The following USP14 variants were observed in gnomAD, a reference collection of about 807,000 sequenced individuals.
The protein encoded by USP14 is ubiquitin specific peptidase 14, also known as ubiquitin carboxyl-terminal hydrolase 14.
Under a neutral mutation model 76.5 loss-of-function variants are expected in USP14, and 38 were observed. The ratio of observed to expected loss-of-function variants is 0.50; its 90% CI spans 0.38 to 0.65. The LOEUF (loss-of-function observed/expected upper bound fraction) is 0.65, where lower values mean the gene tolerates loss of function less well. Ranked by LOEUF, USP14 falls within the 30% of genes least tolerant of loss-of-function variation. The pLI, the probability that USP14 is intolerant of heterozygous loss-of-function variation, is 0.00. For missense variants in USP14, 467 were observed against 586.5 expected (o/e 0.80, Z 2.10); for synonymous variants, 192 against 191.7 (o/e 1.00, Z -0.01).
At chr18:178,501 T>G (rs959924929) in intron 3 of USP14, among the ~76,000 whole-genome samples, 2 of 152,246 alleles carry the variant, frequency 1.3e-5, no homozygotes, top group African/African-American at 4.8e-5. Context: ...CTGTGTTTGA[T>G]GTACAGTTTG....
In USP14 at chr18:158,715, G is replaced by T; in HGVS notation, c.16+1G>T. 1 of 1,532,992 alleles carries T rather than the reference G, an allele frequency of 6.5e-7. No homozygotes were observed. 95.0% of individuals were successfully genotyped at this position (1,532,992 alleles called of 1,614,324 possible). On this transcript the variant is annotated splice_donor_variant, in intron 1 of 15. Transcript: ENST00000261601. LOFTEE classifies it high-confidence loss of function. ...CGCCCCGCCATGCCGCTCTACTCCG[G>T]TGAGCCCTGTCCTGGCCTCGCGCGC...
chr18:158,856 C>G (rs1361632061), intron 1 of USP14, 142 bp downstream of exon 1: 2 of 1,207,660 alleles, frequency 1.7e-6, no homozygotes, highest in African/African-American at 1.6e-5. Flanking sequence ...CGGAGATGAC[C>G]CAGGCACCGT....
chr18:163,561 A>G, intron 2 of USP14, 108 bp downstream of exon 2: 2 of 1,257,726 alleles, frequency 1.6e-6, no homozygotes, highest in South Asian at 1.6e-5. Flanking sequence ...TGCTTTTTTT[A>G]TATGATGAGA....
At chr18:175,537 G>A (rs1377990833) in intron 3 of USP14, among the ~76,000 whole-genome samples, 1 of 152,090 alleles carries the variant, frequency 6.6e-6, no homozygotes, top group Non-Finnish European at 1.5e-5. Flanking sequence ...ACAGACTTTT[G>A]AGTATTAAAC....
intron 2 of USP14, among the ~76,000 whole-genome samples, chr18:164,903 C>T (rs1909225343): frequency 6.6e-6 from 1 of 152,164 alleles, no homozygotes; most frequent in Non-Finnish European, 1.5e-5. Flanking sequence ...TCCCTGCCAG[C>T]ATCATTGATG....
intron 15 of USP14, among the ~76,000 whole-genome samples, 161 bp downstream of exon 15, chr18:210,654 T>C (rs1022192637): frequency 3.3e-5 from 5 of 152,208 alleles, no homozygotes; most frequent in African/African-American, 1.2e-4. Context: ...TCTTAATACT[T>C]ACTGTATTAG....
rs1314596637 is a variant in USP14 at position 163,415 on chromosome 18, G to A, written c.124G>A (p.Ala42Thr). The part of the protein sequence containing the change: ...QLFALTGVQP[A>T]RQKVMVKGGT... ...GTTTGCGTTGACTGGAGTCCAGCCT[G>A]CCAGACAGAAAGTTATGGTGAAAGG... is the stretch of plus-strand genomic sequence containing the variant. Residue 42 changes from alanine (A) to threonine (T), a missense_variant, in exon 2 of 16, where the codon GCC becomes ACC. Ala to Thr is a moderately conservative substitution (Grantham distance 58). Coordinates refer to ENST00000261601, the MANE Select transcript of USP14 (RefSeq NM_005151.4). 4 of 1,613,540 alleles carry A rather than the reference G, an allele frequency of 2.5e-6. No homozygotes were observed. Among genetic ancestry groups the A allele is most frequent in the Admixed American group, 1.7e-5 (1 of 59,948 alleles).
chr18:185,667 A>G (rs1241450467), intron 5 of USP14, among the ~76,000 whole-genome samples: 2 of 151,912 alleles, frequency 1.3e-5, no homozygotes, highest in Non-Finnish European at 2.9e-5. Flanking sequence ...TTTTGAGGGC[A>G]TGTCTTCATT....
chr18:164,030 A>T (rs1909198094), intron 2 of USP14, among the ~76,000 whole-genome samples: 1 of 152,196 alleles, frequency 6.6e-6, no homozygotes, highest in African/African-American at 2.4e-5. Flanking sequence ...GCTGTAAAGG[A>T]CATGACTTTG....
At chr18:193,354 A>T (rs1284211121) in intron 6 of USP14, among the ~76,000 whole-genome samples, 1 of 152,122 alleles carries the variant, frequency 6.6e-6, no homozygotes, top group Non-Finnish European at 1.5e-5. Flanking sequence ...CTAATTTTGG[A>T]CATTTTAATA....
At chr18:163,485 C>G in intron 2 of USP14, 32 bp downstream of exon 2, 1 of 1,576,856 alleles carries the variant, frequency 6.3e-7, no homozygotes, top group Non-Finnish European at 8.6e-7. Flanking sequence ...CATCACATTA[C>G]TATTATTGTA....
At chr18:176,140 T>C (rs1909620618) in intron 3 of USP14, among the ~76,000 whole-genome samples, 1 of 152,192 alleles carries the variant, frequency 6.6e-6, no homozygotes. Context: ...TTTTGTCAGT[T>C]TCATTGATTG....
intron 10 of USP14, among the ~76,000 whole-genome samples, chr18:199,656 C>T (rs1389836716): frequency 6.6e-6 from 1 of 152,152 alleles, no homozygotes; most frequent in Non-Finnish European, 1.5e-5. Flanking sequence ...CTGTGATGTG[C>T]CTTACTGAGA....
Position 179,043 on chromosome 18 carries a change from A to G in USP14, c.300+6A>G. 1 of 1,585,436 alleles carries G rather than the reference A, an allele frequency of 6.3e-7. No homozygotes were observed. ...AAGAACAGTTAGCATCTGCTGTAAG[A>G]CACACCAGATTTTATGTGTTTGATC... is the stretch of plus-strand genomic sequence containing the variant. On this transcript the variant is annotated splice_donor_region_variant and intron_variant, in intron 4 of 15. Transcript: ENST00000261601.
Position 173,255 on chromosome 18 carries a change from C to A in USP14, c.196-5678C>A, listed in dbSNP as rs573992002. 9.5e-4 allele frequency among the ~76,000 whole-genome samples: 143 copies of A among 151,080 alleles called. 1 individual carries two copies. Among genetic ancestry groups the A allele is most frequent in the African/African-American group, 3.4e-3 (141 of 41,112 alleles). Reference sequence around the variant, plus strand: ...CCCGAGTAGCTGGGACTACAGGTGCCTGCCACCACACCCGGCTATTTTTTT... The same window carrying A: ...CCCGAGTAGCTGGGACTACAGGTGCATGCCACCACACCCGGCTATTTTTTT... On this transcript the variant is annotated intron_variant, in intron 3 of 15. Transcript: ENST00000261601.
chr18:170,603 G>A (rs368237068), intron 3 of USP14, among the ~76,000 whole-genome samples: 2 of 152,158 alleles, frequency 1.3e-5, no homozygotes, highest in Admixed American at 6.5e-5. Flanking sequence ...TTGCTGATAT[G>A]GAGTAAGTTT....
intron 3 of USP14, among the ~76,000 whole-genome samples, chr18:172,616 A>G (rs1195416806): frequency 6.6e-6 from 1 of 152,186 alleles, no homozygotes; most frequent in Non-Finnish European, 1.5e-5. Context: ...CCCAGCCTTC[A>G]GGAACCAGTG....
chr18:163,109 A>G, intron 1 of USP14, 199 bp from the exon 2 acceptor site: 1 of 434,536 alleles, frequency 2.3e-6, no homozygotes, highest in Non-Finnish European at 4.0e-6. Flanking sequence ...CTATGAAATG[A>G]GAAGTTAGGT....
chr18:185,729 G>A (rs926166456), intron 5 of USP14, among the ~76,000 whole-genome samples: 1 of 151,600 alleles, frequency 6.6e-6, no homozygotes, highest in Non-Finnish European at 1.5e-5. Flanking sequence ...ACAGGCCCTC[G>A]CTCTGTTGCC....
Sources: gnomAD v4.1 joint callset for allele counts (sites outside exome capture counted in the v4.1 genomes callset) on GRCh38, gnomAD v4.1.1 for gene constraint, MANE v1.5 for transcripts, NCBI Gene and HGNC (gene_info 2026-07-23, HGNC 2026-07-21) for gene names.